The following PDSS2 variants were observed in gnomAD, a reference collection of about 807,000 sequenced individuals.
The protein encoded by PDSS2 is all trans-polyprenyl-diphosphate synthase PDSS2.
Under a neutral mutation model 44.5 loss-of-function variants are expected in PDSS2, and 31 were observed. The ratio of observed to expected loss-of-function variants is 0.70; its 90% CI spans 0.52 to 0.94. The LOEUF (loss-of-function observed/expected upper bound fraction) is 0.94, where lower values mean the gene tolerates loss of function less well. Among genes scored for constraint, PDSS2 ranks in the 40% least tolerant of loss-of-function variants. The probability of loss-of-function intolerance (pLI) is 0.00; values close to 1 mark genes in which losing one functional copy is unlikely to be tolerated. For synonymous variants in PDSS2, 157 were observed against 180.3 expected (o/e 0.87, Z 1.03); for missense variants, 452 against 482.2 (o/e 0.94, Z 0.59).
intron 1 of PDSS2, among the ~76,000 whole-genome samples, chr6:107,384,745 T>C (rs560526880): frequency 6.6e-6 from 1 of 152,212 alleles, no homozygotes; most frequent in African/African-American, 2.4e-5. Context: ...AAAGTTGTTA[T>C]TAATATTAAC....
Position 107,268,704 on chromosome 6 carries a change from C to T in PDSS2, c.630+5325G>A, listed in dbSNP as rs7764354. Among the ~76,000 whole-genome samples the T allele has an allele frequency of 2.8e-3, 427 of 152,090 alleles. 2 individuals are homozygous for T. Among genetic ancestry groups the T allele is most frequent in the African/African-American group, 9.3e-3 (384 of 41,484 alleles). On this transcript the variant is annotated intron_variant, in intron 3 of 7. Transcript: ENST00000369037. ...TACAGTATTTAAAAATAAAACTGCC[C>T]GCAATATTCTTCACAGTTGCAGTTT... is the stretch of plus-strand genomic sequence containing the variant.
intron 7 of PDSS2, among the ~76,000 whole-genome samples, chr6:107,185,675 G>GAT (rs1000737196): frequency 5.9e-5 from 9 of 152,122 alleles, no homozygotes; most frequent in Admixed American, 2.0e-4. Context: ...TTTTCTTTTA[G>GAT]ATATATATAT....
intron 2 of PDSS2, among the ~76,000 whole-genome samples, chr6:107,286,509 C>CA (rs56098466): frequency 0.17 from 26,016 of 150,804 alleles, 2,434 homozygotes; most frequent in South Asian, 0.2. Flanking sequence ...GACTCCATCT[C>CA]AAAAAAATAA....
At chr6:107,388,365 C>T (rs1021817810) in intron 1 of PDSS2, among the ~76,000 whole-genome samples, 1 of 151,878 alleles carries the variant, frequency 6.6e-6, no homozygotes, top group Non-Finnish European at 1.5e-5. Flanking sequence ...GAAATAGACT[C>T]AAATACAACC....
chr6:107,193,313 T>C (rs912731367), intron 7 of PDSS2, among the ~76,000 whole-genome samples: 7 of 152,204 alleles, frequency 4.6e-5, no homozygotes, highest in Admixed American at 2.6e-4. Context: ...CCTAGGCACA[T>C]GTGTTTTCAA....
At chr6:107,235,915 A>G (rs955811356) in intron 4 of PDSS2, among the ~76,000 whole-genome samples, 4 of 152,198 alleles carry the variant, frequency 2.6e-5, no homozygotes, top group East Asian at 1.9e-4. Flanking sequence ...TGAATCACAA[A>G]TACTAAAAAA....
Position 107,234,200 on chromosome 6 carries a change from CT to C in PDSS2, c.702+11347del, listed in dbSNP as rs895395334. ...CTCCAATTCTCCATTCTATTTTTAT[CT>C]TTTTTTTTTTCTTTTTTTCTTTGAG... is the stretch of plus-strand genomic sequence containing the variant. On this transcript the variant is annotated intron_variant, in intron 4 of 7. Coordinates refer to ENST00000369037, the MANE Select transcript of PDSS2 (RefSeq NM_020381.4). Among the ~76,000 whole-genome samples the C allele has an allele frequency of 6.5e-4, 96 of 147,194 alleles. 1 individual carries two copies. Among genetic ancestry groups the C allele is most frequent in the African/African-American group, 1.5e-3 (59 of 40,342 alleles).
chr6:107,198,603 A>G (rs1772647833), intron 6 of PDSS2, among the ~76,000 whole-genome samples: 1 of 152,206 alleles, frequency 6.6e-6, no homozygotes, highest in African/African-American at 2.4e-5. Context: ...AATATGCCAA[A>G]CATACCTGAC....
chr6:107,314,532 T>C (rs1777142762), intron 2 of PDSS2, among the ~76,000 whole-genome samples: 2 of 152,212 alleles, frequency 1.3e-5, no homozygotes, highest in South Asian at 4.1e-4. Context: ...TGCCAGACGG[T>C]AATGAGCCAT....
At chr6:107,391,925 C>T (rs1173483658) in intron 1 of PDSS2, among the ~76,000 whole-genome samples, 1 of 151,840 alleles carries the variant, frequency 6.6e-6, no homozygotes, top group Non-Finnish European at 1.5e-5. Flanking sequence ...CCTACAACCT[C>T]CTACCCAGAA....
chr6:107,161,255 C>T (rs1197101614), intron 7 of PDSS2, among the ~76,000 whole-genome samples: 1 of 151,222 alleles, frequency 6.6e-6, no homozygotes, highest in South Asian at 2.1e-4. Context: ...CTGAGGCGGG[C>T]GGATCACGAG....
At chr6:107,347,279 T>C (rs1778280542) in intron 1 of PDSS2, among the ~76,000 whole-genome samples, 2 of 133,156 alleles carry the variant, frequency 1.5e-5, no homozygotes, top group African/African-American at 3.0e-5. Flanking sequence ...TTTTTTTTTT[T>C]TGAGACGGAG....
chr6:107,327,592 G>A (rs1206669246), intron 2 of PDSS2, among the ~76,000 whole-genome samples: 1 of 152,142 alleles, frequency 6.6e-6, no homozygotes, highest in Non-Finnish European at 1.5e-5. Flanking sequence ...GAATAGCAGG[G>A]ATTACAGGCG....
At chr6:107,231,910 C>A (rs1316677538) in intron 4 of PDSS2, among the ~76,000 whole-genome samples, 1 of 151,048 alleles carries the variant, frequency 6.6e-6, no homozygotes, top group Non-Finnish European at 1.5e-5. Context: ...TGCAGTGAGC[C>A]GAGATGGTGC....
At chr6:107,223,621 G>C (rs1773690936) in intron 4 of PDSS2, among the ~76,000 whole-genome samples, 1 of 151,194 alleles carries the variant, frequency 6.6e-6, no homozygotes, top group Non-Finnish European at 1.5e-5. Flanking sequence ...GGCTGAGGTG[G>C]GGAGATCGCT....
intron 4 of PDSS2, among the ~76,000 whole-genome samples, chr6:107,216,610 T>C (rs1431138644): frequency 6.6e-6 from 1 of 152,176 alleles, no homozygotes; most frequent in Non-Finnish European, 1.5e-5. Context: ...CGAATGAATA[T>C]AAAGACATAT....
rs1163231547 is a variant in PDSS2, at chr6:107,435,771, T to C, written c.296+23219A>G. On this transcript the variant is annotated intron_variant, in intron 1 of 7. Coordinates refer to ENST00000369037, the MANE Select transcript of PDSS2 (RefSeq NM_020381.4). ...ATTCAAAACATGACTGCTAAGTTTT[T>C]AGAGTATTCATTAGACCTATCTCTA... Among the ~76,000 whole-genome samples, 8 of 152,320 alleles carry C rather than the reference T, an allele frequency of 5.3e-5. No homozygotes were observed. In the East Asian group the frequency reaches 1.5e-3, roughly 29 times the overall value.
At chr6:107,313,304 T>C (rs1465286898) in intron 2 of PDSS2, among the ~76,000 whole-genome samples, 1 of 152,228 alleles carries the variant, frequency 6.6e-6, no homozygotes, top group Admixed American at 6.5e-5. Context: ...TCCAATTCTA[T>C]GTTTTCAGAA....
At chr6:107,194,322 T>C (rs1315552789) in intron 6 of PDSS2, among the ~76,000 whole-genome samples, 1 of 152,228 alleles carries the variant, frequency 6.6e-6, no homozygotes, top group Admixed American at 6.5e-5. Context: ...TGTGCCTCTT[T>C]TGTTGCCTTT....
Sources: allele counts gnomAD v4.1 joint callset (sites outside exome capture counted in the v4.1 genomes callset), GRCh38; gene constraint gnomAD v4.1.1; transcripts MANE v1.5; gene names NCBI Gene and HGNC (gene_info 2026-07-23, HGNC 2026-07-21).